TEKTIP1: variants seen among roughly 807,000 people sequenced by gnomAD.
The protein encoded by TEKTIP1 is tektin bundle-interacting protein 1.
the TEKTIP1 span, chr19:3,542,962 C>G: frequency 6.5e-7 from 1 of 1,531,816 alleles, no homozygotes; most frequent in South Asian, 1.1e-5. Flanking sequence ...CCTCCCTCTT[C>G]TCCAGGCAAG....
At chr19:3,543,757 G>A in the TEKTIP1 span, 7 of 1,491,644 alleles carry the variant, frequency 4.7e-6, no homozygotes, top group Non-Finnish European at 5.4e-6. Flanking sequence ...ACTGCCCGGG[G>A]CGATCCAGGA....
the TEKTIP1 span, chr19:3,542,568 G>C: frequency 2.5e-6 from 2 of 804,702 alleles, no homozygotes; most frequent in Non-Finnish European, 3.0e-6. Context: ...CCACTTCCTG[G>C]GTTCAAGCGA....
chr19:3,540,089 C>CTTTTTTTTTTTTTTTTT, the TEKTIP1 span: 3 of 88,188 alleles, frequency 3.4e-5, no homozygotes, highest in African/African-American at 1.2e-4. Flanking sequence ...CATCTCTTTT[C>CTTTTTTTTTTTTTTTTT]TTTTTTTTTT....
chr19:3,542,284 C>T, the TEKTIP1 span: 1 of 985,246 alleles, frequency 1.0e-6, no homozygotes. Flanking sequence ...TCTGTGGGCA[C>T]CTGGGAGTCT....
the TEKTIP1 span, chr19:3,543,294 G>A: frequency 1.4e-5 from 22 of 1,548,662 alleles, no homozygotes; most frequent in Middle Eastern, 1.8e-4. Flanking sequence ...CAGGCCACAC[G>A]CTGGAAGTAC....
the TEKTIP1 span, chr19:3,543,491 C>CCCCCCCCCGGG: frequency 6.6e-7 from 1 of 1,516,076 alleles, no homozygotes; most frequent in Non-Finnish European, 8.8e-7. Flanking sequence ...CCCCCCCCCC[C>CCCCCCCCCGGG]GCCCTGGGCA....
chr19:3,540,678 G>A, the TEKTIP1 span, among the ~76,000 whole-genome samples: 1,771 of 150,202 alleles, frequency 0.012, 21 homozygotes, highest in Admixed American at 0.016. Context: ...TCAGGAGTTC[G>A]AGACCAGCCT....
chr19:3,542,469 G>T, the TEKTIP1 span: 1 of 985,164 alleles, frequency 1.0e-6, no homozygotes, highest in East Asian at 1.1e-4. Flanking sequence ...AAACATCTTT[G>T]AGTCTCTTGT....
At chr19:3,542,788 G>T in the TEKTIP1 span, 4 of 1,368,788 alleles carry the variant, frequency 2.9e-6, no homozygotes, top group Non-Finnish European at 3.9e-6. Context: ...GGCCTAGTGG[G>T]TCCCCCAGTC....
At chr19:3,540,262 TTTG>T in the TEKTIP1 span, among the ~76,000 whole-genome samples, 2 of 145,260 alleles carry the variant, frequency 1.4e-5, no homozygotes, top group African/African-American at 5.7e-5. Flanking sequence ...CCAGCTAATT[TTTG>T]TTTTTTTTTT....
At chr19:3,539,357 G>A in the TEKTIP1 span, 4 of 728,728 alleles carry the variant, frequency 5.5e-6, no homozygotes, top group Non-Finnish European at 9.4e-6. Context: ...TCTTGCACGT[G>A]TCACTCGTTA....
chr19:3,543,072 G>C, the TEKTIP1 span: 1 of 1,588,542 alleles, frequency 6.3e-7, no homozygotes, highest in Non-Finnish European at 8.5e-7. Context: ...ACCCACTCTG[G>C]GGTGAGGGGT....
the TEKTIP1 span, chr19:3,543,819 C>T: frequency 4.0e-6 from 6 of 1,512,248 alleles, no homozygotes; most frequent in Admixed American, 2.1e-5. Flanking sequence ...GACCCGAGTC[C>T]CACCTACAGT....
chr19:3,540,288 C>T, the TEKTIP1 span, among the ~76,000 whole-genome samples: 9 of 150,016 alleles, frequency 6.0e-5, no homozygotes, highest in South Asian at 1.3e-3. Context: ...GACGGAGTCT[C>T]ACTCTTGTCG....
the TEKTIP1 span, chr19:3,543,908 C>T: frequency 6.4e-7 from 1 of 1,550,964 alleles, no homozygotes; most frequent in African/African-American, 1.4e-5. Flanking sequence ...CACCCCAGCG[C>T]CCGCCCGGCA....
chr19:3,541,483 C>A, the TEKTIP1 span: 1 of 173,098 alleles, frequency 5.8e-6, no homozygotes, highest in Non-Finnish European at 1.1e-5. Flanking sequence ...CCACCACGCC[C>A]GGCTAATTTT....
At chr19:3,539,241 T>C in the TEKTIP1 span, 6 of 1,549,032 alleles carry the variant, frequency 3.9e-6, no homozygotes, top group Non-Finnish European at 5.2e-6. Flanking sequence ...CGAGGCCAGC[T>C]TCCCAGCACC....
chr19:3,542,074 T>C, the TEKTIP1 span: 10 of 962,384 alleles, frequency 1.0e-5, no homozygotes, highest in Non-Finnish European at 1.2e-5. Flanking sequence ...CCTCCCAAAG[T>C]GCTGGGATTA....
At chr19:3,543,313 G>A in the TEKTIP1 span, 1 of 1,549,276 alleles carries the variant, frequency 6.5e-7, no homozygotes, top group Non-Finnish European at 8.7e-7. Flanking sequence ...ACACGCCCAT[G>A]GGACGGGACG....
Sources: gnomAD v4.1 joint callset for allele counts (sites outside exome capture counted in the v4.1 genomes callset) on GRCh38, gnomAD v4.1.1 for gene constraint, MANE v1.5 for transcripts, NCBI Gene and HGNC (gene_info 2026-07-23, HGNC 2026-07-21) for gene names.